Variants in GRIN2A observed in about 807,000 individuals in gnomAD.
GRIN2A encodes glutamate receptor ionotropic, NMDA 2A.
A neutral mutation model predicts 113.4 loss-of-function variants in GRIN2A; 22 were observed. That is an observed-to-expected ratio of 0.19 (90% confidence interval 0.14 to 0.28). The LOEUF is 0.28. Ranked by LOEUF, GRIN2A falls within the 10% of genes least tolerant of loss-of-function variation. GRIN2A has a pLI of 1.00. For missense variants in GRIN2A, 1,502 were observed against 1,887.0 expected (o/e 0.80, Z 3.78); for synonymous variants, 827 against 738.4 (o/e 1.12, Z -1.94).
At chr16:10,102,267 A>G (rs2048415037) in intron 2 of GRIN2A, among the ~76,000 whole-genome samples, 1 of 152,270 alleles carries the variant, frequency 6.6e-6, no homozygotes, top group South Asian at 2.1e-4. Context: ...TAACCCTGGT[A>G]ATGAGTGAGC....
intron 5 of GRIN2A, among the ~76,000 whole-genome samples, chr16:9,845,892 C>T (rs543614901): frequency 4.6e-5 from 7 of 152,326 alleles, no homozygotes; most frequent in South Asian, 2.1e-4. Flanking sequence ...TTTCTAACCA[C>T]GTAAGTTCCA....
At chr16:10,073,577 G>C (rs16956840) in intron 2 of GRIN2A, among the ~76,000 whole-genome samples, 8,059 of 152,108 alleles carry the variant, frequency 0.053, 283 homozygotes, top group African/African-American at 0.11. Context: ...ACCGTGATGT[G>C]TGAGGGTCAA....
At chr16:10,147,915 T>C (rs974620931) in intron 2 of GRIN2A, among the ~76,000 whole-genome samples, 1 of 152,204 alleles carries the variant, frequency 6.6e-6, no homozygotes, top group African/African-American at 2.4e-5. Context: ...ACGACGGTGC[T>C]ACTGAAAGGT....
chr16:10,032,841 C>G (rs940555097), intron 2 of GRIN2A, among the ~76,000 whole-genome samples: 4 of 152,206 alleles, frequency 2.6e-5, no homozygotes, highest in Non-Finnish European at 1.5e-5. Flanking sequence ...ACATAAGTCT[C>G]TGCTCATGTG....
At chr16:9,956,672 T>C (rs2045319253) in intron 2 of GRIN2A, among the ~76,000 whole-genome samples, 1 of 152,206 alleles carries the variant, frequency 6.6e-6, no homozygotes, top group African/African-American at 2.4e-5. Context: ...ATTAAACAAC[T>C]ACACACGTGT....
At chr16:10,157,167 G>C (rs952950419) in intron 2 of GRIN2A, among the ~76,000 whole-genome samples, 2 of 152,200 alleles carry the variant, frequency 1.3e-5, no homozygotes, top group Admixed American at 1.3e-4. Flanking sequence ...GGTGGAAGGT[G>C]ATAAGGACCA....
intron 2 of GRIN2A, among the ~76,000 whole-genome samples, chr16:10,063,073 G>A (rs930853782): frequency 1.4e-4 from 21 of 152,100 alleles, no homozygotes; most frequent in Non-Finnish European, 2.8e-4. Flanking sequence ...GTTATTTGCC[G>A]CAACATGGAT....
At chr16:10,121,261 G>T (rs970807606) in intron 2 of GRIN2A, 7 of 152,312 alleles carry the variant, frequency 4.6e-5, no homozygotes, top group South Asian at 2.1e-4. Context: ...GACCCAGGAG[G>T]TCCCCTAATC....
intron 2 of GRIN2A, among the ~76,000 whole-genome samples, chr16:9,939,357 G>A (rs1443754666): frequency 6.6e-6 from 1 of 152,162 alleles, no homozygotes; most frequent in Non-Finnish European, 1.5e-5. Flanking sequence ...CCGAAAGGAG[G>A]CGGACGATAC....
rs1900337183 is a variant in GRIN2A, at chr16:9,756,024, C to T, written c.*7125G>A. The stretch of plus-strand genomic sequence containing the variant: ...CATCTGCCTGGCAAAGATAACCAAA[C>T]ATAGACATGAAATAGGAGGAATAGT... On this transcript the variant is annotated 3_prime_UTR_variant, in exon 13 of 13. Transcript: ENST00000330684. 1 of 221,706 alleles carries T rather than the reference C, an allele frequency of 4.5e-6. No individual in the cohort carries two copies. Among genetic ancestry groups the T allele is most frequent in the South Asian group, 1.8e-4 (1 of 5,434 alleles). 13.7% of individuals were successfully genotyped at this position (221,706 alleles called of 1,614,324 possible).
At chr16:10,033,044 C>A (rs2046958812) in intron 2 of GRIN2A, among the ~76,000 whole-genome samples, 2 of 152,160 alleles carry the variant, frequency 1.3e-5, no homozygotes, top group African/African-American at 2.4e-5. Flanking sequence ...CACCTGTGGG[C>A]AAAGTTTGCC....
chr16:9,787,562 G>T (rs1427103074), intron 11 of GRIN2A, among the ~76,000 whole-genome samples: 1 of 152,172 alleles, frequency 6.6e-6, no homozygotes, highest in South Asian at 2.1e-4. Context: ...CTCCTGGGGG[G>T]CTGTGTCCTG....
chr16:9,990,563 G>GCACACACACA (rs71157799), intron 2 of GRIN2A, among the ~76,000 whole-genome samples: 2 of 124,430 alleles, frequency 1.6e-5, no homozygotes, highest in African/African-American at 6.3e-5. Context: ...GCGCGCGCGC[G>GCACACACACA]CACACACACA....
intron 2 of GRIN2A, among the ~76,000 whole-genome samples, chr16:10,040,737 C>T (rs2047151040): frequency 6.6e-6 from 1 of 152,222 alleles, no homozygotes; most frequent in African/African-American, 2.4e-5. Flanking sequence ...TGCACACACT[C>T]CCATGGAGAC....
At chr16:10,066,694 A>T (rs1348912202) in intron 2 of GRIN2A, among the ~76,000 whole-genome samples, 3 of 152,302 alleles carry the variant, frequency 2.0e-5, no homozygotes, top group African/African-American at 7.2e-5. Flanking sequence ...AGTGTTTGCT[A>T]AATGTCATGG....
chr16:10,112,663 G>C (rs112333946), intron 2 of GRIN2A: 20,927 of 762,650 alleles, frequency 0.027, 811 homozygotes, highest in African/African-American at 0.15. Flanking sequence ...AGCCAGAAAC[G>C]ATACTTCAGC....
At chr16:10,087,183 T>A (rs1195089607) in intron 2 of GRIN2A, among the ~76,000 whole-genome samples, 4 of 152,208 alleles carry the variant, frequency 2.6e-5, no homozygotes, top group Non-Finnish European at 4.4e-5. Flanking sequence ...TGAGCCTCAG[T>A]TTCCACATCT....
intron 5 of GRIN2A, among the ~76,000 whole-genome samples, chr16:9,846,475 G>A (rs1014637257): frequency 6.6e-6 from 1 of 152,210 alleles, no homozygotes; most frequent in African/African-American, 2.4e-5. Context: ...CAAGGACTGA[G>A]ATCTGGGCAC....
rs1360398315 is a variant in GRIN2A, at chr16:10,180,903, C to G, written c.-18-474G>C. The G allele has an allele frequency of 5.2e-6, 1 of 192,224 alleles. No homozygotes were observed. The highest frequency in any genetic ancestry group is 1.0e-4 in the South Asian group (1 of 9,926). The allele number at this position is 192,224 out of a possible 1,614,324, so 11.9% of individuals were successfully genotyped here. A position where few individuals can be genotyped will look rare whatever the true frequency, so the allele number is the denominator to read the frequency against. On this transcript the variant is annotated intron_variant, in intron 1 of 12. Coordinates refer to ENST00000330684, the MANE Select transcript of GRIN2A (RefSeq NM_001134407.3). This position sits in a 1 kb window ranked among gnomAD's most constrained non-coding sequence, Gnocchi z 7.0. ...CTGGCGCGGAGCGAACTACAGACCC[C>G]GCAGGGCGTGCGGAGGCGGCACCCA... is the stretch of plus-strand genomic sequence containing the variant.
Sources: allele counts gnomAD v4.1 joint callset (sites outside exome capture counted in the v4.1 genomes callset), GRCh38; gene constraint gnomAD v4.1.1; non-coding constraint Gnocchi (gnomAD v3.1); transcripts MANE v1.5; gene names NCBI Gene and HGNC (gene_info 2026-07-23, HGNC 2026-07-21).